DOCK3: variants seen among roughly 807,000 people sequenced by gnomAD.
The protein encoded by DOCK3 is dedicator of cytokinesis protein 3.
A neutral mutation model predicts 265.6 loss-of-function variants in DOCK3; 60 were observed. The observed-to-expected ratio is 0.23, with a 90% confidence interval of 0.18 to 0.28. The LOEUF (loss-of-function observed/expected upper bound fraction) is 0.28, where lower values mean the gene tolerates loss of function less well. DOCK3 is among the 10% of genes least tolerant of loss of function. DOCK3 has a pLI of 1.00. For missense variants in DOCK3, 1,981 were observed against 2,594.3 expected (o/e 0.76, Z 5.14); for synonymous variants, 881 against 938.0 (o/e 0.94, Z 1.11).
intron 9 of DOCK3, among the ~76,000 whole-genome samples, chr3:51,130,484 T>C (rs1410220911): frequency 1.3e-5 from 2 of 152,206 alleles, no homozygotes; most frequent in African/African-American, 4.8e-5. Flanking sequence ...GCTCAAGCAA[T>C]GAAACCACAT....
intron 1 of DOCK3, among the ~76,000 whole-genome samples, chr3:50,748,012 T>C (rs1038473483): frequency 6.6e-6 from 1 of 152,266 alleles, no homozygotes; most frequent in Non-Finnish European, 1.5e-5. Flanking sequence ...AGATTCCATT[T>C]GATTTTTAGG....
chr3:50,927,610 G>A (rs68130118), intron 4 of DOCK3, among the ~76,000 whole-genome samples: 14,355 of 152,052 alleles, frequency 0.094, 836 homozygotes, highest in Non-Finnish European at 0.12. Context: ...TTTAAAAAAG[G>A]CTACTGTCTC....
At chr3:50,848,613 G>A (rs577192676) in intron 3 of DOCK3, among the ~76,000 whole-genome samples, 1 of 152,224 alleles carries the variant, frequency 6.6e-6, no homozygotes, top group East Asian at 1.9e-4. Flanking sequence ...CCTAAAATAG[G>A]CCCCCAATCT....
At chr3:51,310,094 G>C in intron 27 of DOCK3, 138 bp from the exon 28 acceptor site, 1 of 709,564 alleles carries the variant, frequency 1.4e-6, no homozygotes, top group Non-Finnish European at 2.5e-6. Flanking sequence ...CTCTAAGAGA[G>C]AAACAACTCA....
chr3:51,343,421 C>G (rs1157432723), intron 38 of DOCK3, among the ~76,000 whole-genome samples: 1 of 152,198 alleles, frequency 6.6e-6, no homozygotes, highest in Non-Finnish European at 1.5e-5. Flanking sequence ...CCAGTGGGAT[C>G]AAGGCTCATC....
chr3:51,166,769 A>G (rs755510925), intron 12 of DOCK3, among the ~76,000 whole-genome samples: 12 of 152,212 alleles, frequency 7.9e-5, no homozygotes, highest in Non-Finnish European at 1.5e-4. Context: ...TTCTTTGGGA[A>G]AACGTCTTTC....
intron 27 of DOCK3, among the ~76,000 whole-genome samples, chr3:51,291,459 T>A (rs1305670051): frequency 6.6e-6 from 1 of 152,212 alleles, no homozygotes; most frequent in African/African-American, 2.4e-5. Context: ...CATAAGAGAC[T>A]GCTACAAATA....
intron 22 of DOCK3, among the ~76,000 whole-genome samples, chr3:51,250,918 G>A (rs985905815): frequency 2.0e-5 from 3 of 152,158 alleles, no homozygotes; most frequent in Non-Finnish European, 4.4e-5. Flanking sequence ...TGTGCACAAC[G>A]TGCAGGTTTG....
intron 5 of DOCK3, among the ~76,000 whole-genome samples, chr3:51,001,302 G>T (rs2078476563): frequency 6.6e-6 from 1 of 152,166 alleles, no homozygotes; most frequent in South Asian, 2.1e-4. Context: ...AGAAACTCCT[G>T]CTTGACTTAT....
At chr3:51,216,063 T>G (rs1237185270) in intron 14 of DOCK3, among the ~76,000 whole-genome samples, 1 of 152,084 alleles carries the variant, frequency 6.6e-6, no homozygotes, top group African/African-American at 2.4e-5. Flanking sequence ...AAATTAGGTA[T>G]CTAGGCTTAT....
chr3:51,302,161 G>A (rs972097409), intron 27 of DOCK3, among the ~76,000 whole-genome samples: 12 of 152,206 alleles, frequency 7.9e-5, no homozygotes, highest in African/African-American at 2.6e-4. Context: ...TTGTTGCATT[G>A]ATCCCTTTAC....
intron 49 of DOCK3, among the ~76,000 whole-genome samples, chr3:51,368,460 G>C (rs2087421497): frequency 6.6e-6 from 1 of 152,228 alleles, no homozygotes; most frequent in Non-Finnish European, 1.5e-5. Context: ...CTCACTGCTA[G>C]CACAGCAGTC....
intron 4 of DOCK3, among the ~76,000 whole-genome samples, chr3:50,906,586 A>G (rs555738696): frequency 1.3e-5 from 2 of 152,014 alleles, no homozygotes; most frequent in Admixed American, 6.6e-5. Flanking sequence ...GGTAGTTTGT[A>G]TTTCTGTGGG....
chr3:50,863,699 C>T (rs2047019397), intron 3 of DOCK3, among the ~76,000 whole-genome samples: 1 of 152,148 alleles, frequency 6.6e-6, no homozygotes, highest in African/African-American at 2.4e-5. Context: ...CCCTGGTCAG[C>T]CATCTTGAGA....
chr3:50,821,081 C>T (rs915087133), intron 2 of DOCK3, among the ~76,000 whole-genome samples: 1 of 150,592 alleles, frequency 6.6e-6, no homozygotes, highest in Non-Finnish European at 1.5e-5. Flanking sequence ...AATATTTTTT[C>T]CCATTCTGTA....
chr3:51,009,926 T>C (rs2078873342), intron 5 of DOCK3, among the ~76,000 whole-genome samples: 1 of 152,186 alleles, frequency 6.6e-6, no homozygotes, highest in South Asian at 2.1e-4. Flanking sequence ...AGTTGAGCAG[T>C]TTTGAGTGAG....
chr3:51,010,444 T>A (rs1182639501), intron 5 of DOCK3, among the ~76,000 whole-genome samples: 1 of 152,200 alleles, frequency 6.6e-6, no homozygotes, highest in Non-Finnish European at 1.5e-5. Flanking sequence ...TTGCAACCCC[T>A]ACTTTTTTTT....
chr3:51,034,652 T>C (rs1475979688), intron 5 of DOCK3, among the ~76,000 whole-genome samples: 2 of 152,124 alleles, frequency 1.3e-5, no homozygotes, highest in South Asian at 2.1e-4. Context: ...ATAGCAAAAA[T>C]AGTCCTCAAT....
intron 5 of DOCK3, among the ~76,000 whole-genome samples, chr3:50,986,602 T>C (rs1020077177): frequency 4.6e-5 from 7 of 152,376 alleles, no homozygotes; most frequent in East Asian, 3.9e-4. Context: ...GCATTGCTTT[T>C]CCAAATGTTT....
Sources: allele counts gnomAD v4.1 joint callset (sites outside exome capture counted in the v4.1 genomes callset), GRCh38; gene constraint gnomAD v4.1.1; transcripts MANE v1.5; gene names NCBI Gene and HGNC (gene_info 2026-07-23, HGNC 2026-07-21).